INPP4B: variants seen among roughly 807,000 people sequenced by gnomAD.
INPP4B encodes the protein inositol polyphosphate 4-phosphatase type II.
A neutral mutation model predicts 122.5 loss-of-function variants in INPP4B; 55 were observed. The ratio of observed to expected loss-of-function variants is 0.45; its 90% CI spans 0.36 to 0.56. The LOEUF (loss-of-function observed/expected upper bound fraction) is 0.56, where lower values mean the gene tolerates loss of function less well. INPP4B is among the 20% of genes least tolerant of loss of function. INPP4B has a pLI of 0.00. For missense variants in INPP4B, 1,000 were observed against 1,097.7 expected (o/e 0.91, Z 1.26); for synonymous variants, 403 against 388.7 (o/e 1.04, Z -0.43).
chr4:142,202,772 AAAC>A lies in INPP4B; in HGVS notation c.1072+5650_1072+5652del, dbSNP rs1455076523. ...CGGAATCCCACTTGAGATATCTGAA[AAAC>A]AACAAACAAAAACAATGAGAGTGGG... On this transcript the variant is annotated intron_variant, in intron 14 of 25. Coordinates refer to ENST00000262992, the MANE Select transcript of INPP4B (RefSeq NM_001101669.3). 1.9e-4 allele frequency: 189 copies of A among 985,346 alleles called. 1 individual carries two copies. In the Middle Eastern group the frequency reaches 4.7e-3, roughly 25 times the overall value. 61.0% of individuals were successfully genotyped at this position (985,346 alleles called of 1,614,324 possible). A position where few individuals can be genotyped will look rare whatever the true frequency, so the allele number is the denominator to read the frequency against.
At chr4:142,354,113 G>A (rs544678199) in intron 7 of INPP4B, among the ~76,000 whole-genome samples, 1 of 152,030 alleles carries the variant, frequency 6.6e-6, no homozygotes, top group Admixed American at 6.6e-5. Context: ...CAGCTGCAAA[G>A]ATCTCAAATG....
rs1228909219 is a variant in INPP4B, at chr4:142,840,348, TAA to T, written c.-254+5859_-254+5860del. Among the ~76,000 whole-genome samples the T allele has an allele frequency of 1.4e-4, 22 of 152,276 alleles. No individual in the cohort carries two copies. In the South Asian group the frequency reaches 4.6e-3, roughly 32 times the overall value. On this transcript the variant is annotated intron_variant, in intron 1 of 25. Transcript: ENST00000262992. ...GCAGATGCTGTGAGGGGATTAGGAT[TAA>T]AAATGCAAATGGTTAATACAATATC... is the stretch of plus-strand genomic sequence containing the variant.
At chr4:142,202,942 T>C (rs979430011) in intron 14 of INPP4B, among the ~76,000 whole-genome samples, 1 of 152,080 alleles carries the variant, frequency 6.6e-6, no homozygotes, top group Non-Finnish European at 1.5e-5. Context: ...CCTTTATTAC[T>C]GTATGTCTGA....
At chr4:142,517,607 GA>G (rs1825576970) in intron 2 of INPP4B, among the ~76,000 whole-genome samples, 1 of 152,122 alleles carries the variant, frequency 6.6e-6, no homozygotes, top group Non-Finnish European at 1.5e-5. Context: ...CTTAAACAAA[GA>G]AAGTGAGCTT....
At chr4:142,345,442 T>C (rs1017467706) in intron 7 of INPP4B, among the ~76,000 whole-genome samples, 3 of 151,912 alleles carry the variant, frequency 2.0e-5, no homozygotes, top group Admixed American at 6.6e-5. Flanking sequence ...ATTAAAGAAA[T>C]GTGTATACCA....
intron 24 of INPP4B, among the ~76,000 whole-genome samples, 188 bp downstream of exon 24, chr4:142,085,956 T>A (rs2152544437): frequency 6.6e-6 from 1 of 152,324 alleles, no homozygotes; most frequent in South Asian, 2.1e-4. Context: ...AAGTGCATCT[T>A]CTTCTATCTT....
chr4:142,174,500 C>T (rs1827110658), intron 15 of INPP4B, among the ~76,000 whole-genome samples: 1 of 152,034 alleles, frequency 6.6e-6, no homozygotes, highest in Admixed American at 6.6e-5. Flanking sequence ...ATTTATTGGA[C>T]AGAAAAAGGA....
intron 12 of INPP4B, among the ~76,000 whole-genome samples, chr4:142,221,292 C>T (rs756533016): frequency 4.2e-5 from 6 of 141,230 alleles, no homozygotes; most frequent in East Asian, 2.2e-4. Flanking sequence ...CCCAGCTATT[C>T]GGGAGACTGA....
intron 7 of INPP4B, among the ~76,000 whole-genome samples, chr4:142,376,584 G>A (rs912853942): frequency 6.6e-6 from 1 of 152,004 alleles, no homozygotes; most frequent in Non-Finnish European, 1.5e-5. Flanking sequence ...CAAAAAGTGA[G>A]TCCCTTTCCC....
Position 142,103,159 on chromosome 4 carries a change from A to G in INPP4B, c.2374+4934T>C, listed in dbSNP as rs188617596. On this transcript the variant is annotated intron_variant, in intron 23 of 25. Transcript: ENST00000262992. Reference sequence around the variant, plus strand: ...CATCAAATCCAATAGCTTCACTTTCATCCTCATTCTTCTTTCATCAACACA... The same window carrying G: ...CATCAAATCCAATAGCTTCACTTTCGTCCTCATTCTTCTTTCATCAACACA... Among the ~76,000 whole-genome samples, 39 of 152,062 alleles carry G rather than the reference A, an allele frequency of 2.6e-4. 1 individual carries two copies. The highest frequency in any genetic ancestry group is 7.7e-4 in the African/African-American group (32 of 41,534).
chr4:142,285,340 T>C (rs1055510258), intron 9 of INPP4B, among the ~76,000 whole-genome samples: 3 of 143,680 alleles, frequency 2.1e-5, no homozygotes, highest in Non-Finnish European at 4.5e-5. Context: ...GTAAAAATTT[T>C]CATGAAATAA....
At chr4:142,695,757 G>A (rs775867737) in intron 2 of INPP4B, among the ~76,000 whole-genome samples, 9 of 152,176 alleles carry the variant, frequency 5.9e-5, no homozygotes, top group African/African-American at 1.9e-4. Context: ...CTATCCAACA[G>A]AGCACTAAGT....
intron 14 of INPP4B, among the ~76,000 whole-genome samples, chr4:142,196,463 A>G (rs1220961323): frequency 6.6e-6 from 1 of 152,132 alleles, no homozygotes; most frequent in Non-Finnish European, 1.5e-5. Flanking sequence ...CATTCCTTTA[A>G]GCCTCCAAGA....
chr4:142,789,545 T>C (rs1026541214), intron 1 of INPP4B, among the ~76,000 whole-genome samples: 1 of 152,078 alleles, frequency 6.6e-6, no homozygotes, highest in East Asian at 1.9e-4. Flanking sequence ...TTTGTAATTT[T>C]CCTTGCAGAA....
chr4:142,696,185 A>G (rs1760997081), intron 2 of INPP4B, among the ~76,000 whole-genome samples: 2 of 152,096 alleles, frequency 1.3e-5, no homozygotes, highest in South Asian at 2.1e-4. Flanking sequence ...ATTAAGGCAC[A>G]CTCTGATTCT....
chr4:142,623,888 G>A (rs1331287501), intron 2 of INPP4B, among the ~76,000 whole-genome samples: 2 of 152,032 alleles, frequency 1.3e-5, no homozygotes, highest in Non-Finnish European at 2.9e-5. Flanking sequence ...TCCCTACAAA[G>A]GACATGAACT....
intron 5 of INPP4B, among the ~76,000 whole-genome samples, chr4:142,407,474 G>A (rs925179421): frequency 2.6e-5 from 4 of 151,908 alleles, no homozygotes; most frequent in African/African-American, 9.7e-5. Flanking sequence ...TCTCACCCTC[G>A]TTCCCCATAA....
intron 14 of INPP4B, chr4:142,202,658 A>G: frequency 1.3e-6 from 1 of 784,402 alleles, no homozygotes; most frequent in Non-Finnish European, 1.5e-6. Flanking sequence ...AATTTTGGCT[A>G]CTGTTGGACC....
chr4:142,637,559 A>G (rs1749447810), intron 2 of INPP4B, among the ~76,000 whole-genome samples: 1 of 152,150 alleles, frequency 6.6e-6, no homozygotes, highest in South Asian at 2.1e-4. Flanking sequence ...ATAGTATTCC[A>G]TTGTCTGAAT....
Sources: allele counts gnomAD v4.1 joint callset (sites outside exome capture counted in the v4.1 genomes callset), GRCh38; gene constraint gnomAD v4.1.1; transcripts MANE v1.5; gene names NCBI Gene and HGNC (gene_info 2026-07-23, HGNC 2026-07-21).